Variants in NBAS observed in about 807,000 individuals in gnomAD.
NBAS encodes NAG/BC035112 fusion.
Under a neutral mutation model 302.5 loss-of-function variants are expected in NBAS, and 219 were observed. The observed-to-expected ratio is 0.72, with a 90% CI of 0.65 to 0.81. The LOEUF (loss-of-function observed/expected upper bound fraction) is 0.81. NBAS is among the 30% of genes least tolerant of loss of function. The pLI, the probability that NBAS is intolerant of heterozygous loss-of-function variation, is 0.00. For synonymous variants in NBAS, 1,118 were observed against 1,021.6 expected (o/e 1.09, Z -1.80); for missense variants, 2,932 against 2,841.6 (o/e 1.03, Z -0.72).
chr2:14,969,652 T>G, the NBAS span, among the ~76,000 whole-genome samples: 1 of 152,010 alleles, frequency 6.6e-6, no homozygotes. Context: ...GCTGGGATTA[T>G]AGGCGTGAGC....
intron 38 of NBAS, 114 bp from the exon 39 acceptor site, chr2:15,309,361 C>T: frequency 1.2e-6 from 1 of 839,702 alleles, no homozygotes; most frequent in Non-Finnish European, 1.9e-6. Context: ...TGGCAGAGAC[C>T]TTTTAGGAAA....
At chr2:14,841,490 C>G in the NBAS span, among the ~76,000 whole-genome samples, 3 of 106,742 alleles carry the variant, frequency 2.8e-5, no homozygotes, top group African/African-American at 1.5e-4. Flanking sequence ...ACATTCCATG[C>G]AACTGGAAAC....
chr2:15,245,974 T>C (rs183601709), intron 44 of NBAS, among the ~76,000 whole-genome samples: 2 of 152,350 alleles, frequency 1.3e-5, no homozygotes, highest in Admixed American at 1.3e-4. Context: ...CATCATTTTC[T>C]GATCTCTGAT....
chr2:15,110,642 C>T, the NBAS span, among the ~76,000 whole-genome samples: 2 of 152,118 alleles, frequency 1.3e-5, no homozygotes, highest in African/African-American at 2.4e-5. Flanking sequence ...ATATCCCTCT[C>T]ATGCAGGTGA....
intron 48 of NBAS, among the ~76,000 whole-genome samples, chr2:15,196,309 C>T (rs1414205072): frequency 6.6e-6 from 1 of 152,128 alleles, no homozygotes; most frequent in African/African-American, 2.4e-5. Context: ...CAAAGACACA[C>T]AAATGAGTAC....
At chr2:14,973,475 A>G in the NBAS span, among the ~76,000 whole-genome samples, 1 of 152,236 alleles carries the variant, frequency 6.6e-6, no homozygotes, top group Non-Finnish European at 1.5e-5. Flanking sequence ...ACCTGACTCA[A>G]AATATGCTTT....
the NBAS span, among the ~76,000 whole-genome samples, chr2:14,788,091 C>G: frequency 7.9e-3 from 1,206 of 152,304 alleles, 14 homozygotes; most frequent in Middle Eastern, 0.031. Flanking sequence ...ATCACTGATA[C>G]CCTTTCTTCC....
chr2:15,220,178 G>T (rs1387987690), intron 47 of NBAS, among the ~76,000 whole-genome samples: 5 of 144,058 alleles, frequency 3.5e-5, no homozygotes, highest in African/African-American at 7.7e-5. Flanking sequence ...CGGGCGGGGG[G>T]CTGACCCCCC....
chr2:15,538,252 G>C, intron 7 of NBAS: 1 of 336,242 alleles, frequency 3.0e-6, no homozygotes, highest in Non-Finnish European at 6.0e-6. Context: ...CACACATACA[G>C]CTCATATTGT....
chr2:15,488,556 C>A (rs897670210), intron 12 of NBAS, among the ~76,000 whole-genome samples: 3 of 152,142 alleles, frequency 2.0e-5, no homozygotes, highest in Non-Finnish European at 4.4e-5. Context: ...GGATTTGACC[C>A]TCCAAATCCT....
chr2:15,281,023 A>G (rs943406137), intron 42 of NBAS, among the ~76,000 whole-genome samples: 2 of 152,210 alleles, frequency 1.3e-5, no homozygotes, highest in African/African-American at 4.8e-5. Context: ...GTGTCTGCAA[A>G]CTGAAGAATG....
At chr2:15,310,328 C>T (rs750872080) in intron 38 of NBAS, among the ~76,000 whole-genome samples, 7 of 152,172 alleles carry the variant, frequency 4.6e-5, no homozygotes, top group South Asian at 2.1e-4. Flanking sequence ...AAGGGAACAT[C>T]AGTTATCCAA....
chr2:15,395,974 A>G (rs1437838491), intron 27 of NBAS, among the ~76,000 whole-genome samples: 2 of 152,098 alleles, frequency 1.3e-5, no homozygotes, highest in African/African-American at 4.8e-5. Context: ...TAGTCAATTC[A>G]ATGTATTATG....
chr2:14,879,079 T>C, the NBAS span, among the ~76,000 whole-genome samples: 1 of 152,232 alleles, frequency 6.6e-6, no homozygotes. Flanking sequence ...TTAGATTGGT[T>C]TCTTACACTT....
intron 30 of NBAS, 38 bp downstream of exon 30, chr2:15,379,564 C>T (rs1300126300): frequency 6.3e-7 from 1 of 1,580,560 alleles, no homozygotes; most frequent in Non-Finnish European, 8.7e-7. Context: ...TTCTGACTTT[C>T]CCCCTCCATC....
chr2:15,483,445 C>A, intron 12 of NBAS: 2 of 284,986 alleles, frequency 7.0e-6, no homozygotes, highest in South Asian at 3.4e-5. Context: ...TGAAGAAGTA[C>A]AAATAGACAA....
chr2:15,022,116 G>A, the NBAS span, among the ~76,000 whole-genome samples: 1 of 152,154 alleles, frequency 6.6e-6, no homozygotes, highest in Non-Finnish European at 1.5e-5. Flanking sequence ...ACAGCTAAGA[G>A]TCTGGCTGCC....
At chr2:15,424,178 A>C in intron 23 of NBAS, 137 bp downstream of exon 23, 3 of 1,076,814 alleles carry the variant, frequency 2.8e-6, no homozygotes, top group Non-Finnish European at 4.2e-6. Flanking sequence ...TAACAAAGAA[A>C]TAAATATTCA....
At chr2:15,310,441 T>A (rs1001450930) in intron 38 of NBAS, among the ~76,000 whole-genome samples, 1 of 152,240 alleles carries the variant, frequency 6.6e-6, no homozygotes, top group Non-Finnish European at 1.5e-5. Context: ...CATTTTCTAA[T>A]CAAAAGCTAT....
Sources: gnomAD v4.1 joint callset for allele counts (sites outside exome capture counted in the v4.1 genomes callset) on GRCh38, gnomAD v4.1.1 for gene constraint, MANE v1.5 for transcripts, NCBI Gene and HGNC (gene_info 2026-07-23, HGNC 2026-07-21) for gene names.